The following HEXB variants were observed in gnomAD, a reference collection of about 807,000 sequenced individuals.
The protein encoded by HEXB is beta-hexosaminidase subunit beta.
A neutral mutation model predicts 71.2 loss-of-function variants in HEXB; 51 were observed. The ratio of observed to expected loss-of-function variants is 0.72; its 90% CI spans 0.57 to 0.90. The LOEUF (loss-of-function observed/expected upper bound fraction) is 0.90, where lower values mean the gene tolerates loss of function less well. Among genes scored for constraint, HEXB ranks in the 40% least tolerant of loss-of-function variants. HEXB has a pLI of 0.00. For synonymous variants in HEXB, 266 were observed against 249.3 expected, an observed-to-expected ratio of 1.07 and a Z score of -0.63; for missense variants, 617 against 677.0, an observed-to-expected ratio of 0.91 and a Z score of 0.98.
chr5:74,684,796 G>C (rs820874), upstream of HEXB, among the ~76,000 whole-genome samples: 79,768 of 150,540 alleles, frequency 0.53, 21,513 homozygotes, highest in Middle Eastern at 0.58. Context: ...TCCTGCCTCA[G>C]CCTCCCGAGT....
chr5:74,664,125 G>C (rs1052908051), intron 1 of HEXB, among the ~76,000 whole-genome samples: 1 of 151,786 alleles, frequency 6.6e-6, no homozygotes, highest in Admixed American at 6.6e-5. Flanking sequence ...GTGTGGTGGC[G>C]CATGCCTGTA....
At chr5:74,673,462 A>G (rs1297620072) in intron 1 of HEXB, among the ~76,000 whole-genome samples, 1 of 152,188 alleles carries the variant, frequency 6.6e-6, no homozygotes, top group Non-Finnish European at 1.5e-5. Context: ...TTGTCTGCCC[A>G]GGTCCTAGGC....
intron 5 of HEXB, among the ~76,000 whole-genome samples, chr5:74,704,340 G>A (rs944252026): frequency 6.6e-6 from 1 of 152,002 alleles, no homozygotes; most frequent in African/African-American, 2.4e-5. Flanking sequence ...AAGTTTTGAT[G>A]ATCTTGTTGG....
At chr5:74,694,076 T>G (rs1049100668) in intron 3 of HEXB, among the ~76,000 whole-genome samples, 6 of 152,162 alleles carry the variant, frequency 3.9e-5, no homozygotes, top group African/African-American at 1.4e-4. Flanking sequence ...GGAGGATTGC[T>G]TGAGTCCAGG....
intron 5 of HEXB, among the ~76,000 whole-genome samples, chr5:74,698,046 A>C (rs2442041): frequency 0.9 from 136,412 of 151,462 alleles, 61,510 homozygotes; most frequent in Non-Finnish European, 0.92. Flanking sequence ...ATTATGATGA[A>C]ACTATGCTAT....
intron 6 of HEXB, among the ~76,000 whole-genome samples, chr5:74,710,055 C>G (rs1204306111): frequency 6.6e-6 from 1 of 152,034 alleles, no homozygotes; most frequent in African/African-American, 2.4e-5. Context: ...ACTGGCAAAC[C>G]AAATCCAGCA....
chr5:74,716,558 A>C, intron 8 of HEXB, 29 bp from the exon 9 acceptor site: 1 of 1,394,694 alleles, frequency 7.2e-7, no homozygotes, highest in Admixed American at 1.7e-5. Flanking sequence ...TCAAACTTCT[A>C]ATGAAATTTT....
chr5:74,696,128 T>C (rs1464316962), intron 3 of HEXB, among the ~76,000 whole-genome samples: 1 of 152,196 alleles, frequency 6.6e-6, no homozygotes, highest in African/African-American at 2.4e-5. Context: ...ATGAGGAATC[T>C]GAATAAAGTC....
intron 1 of HEXB, among the ~76,000 whole-genome samples, chr5:74,660,989 C>A (rs1748307760): frequency 6.6e-6 from 1 of 151,934 alleles, no homozygotes. Context: ...GGGAACATGG[C>A]AACAAGAAAT....
chr5:74,655,822 A>G (rs1479147243), intron 1 of HEXB, among the ~76,000 whole-genome samples: 1 of 152,124 alleles, frequency 6.6e-6, no homozygotes, highest in Non-Finnish European at 1.5e-5. Flanking sequence ...AATTATCTCC[A>G]TTTATAGGTA....
upstream of HEXB, among the ~76,000 whole-genome samples, chr5:74,683,308 T>C (rs925441448): frequency 3.9e-5 from 6 of 151,984 alleles, no homozygotes; most frequent in East Asian, 1.9e-4. Flanking sequence ...TCTTCTTTTT[T>C]TTTTTTTCTT....
intron 1 of HEXB, among the ~76,000 whole-genome samples, chr5:74,676,330 G>A (rs1425619729): frequency 2.0e-5 from 3 of 152,068 alleles, no homozygotes; most frequent in Admixed American, 6.6e-5. Flanking sequence ...TTGTAAAGAC[G>A]GTGTCTCACT....
At chr5:74,678,546 C>T (rs1157548625) in intron 1 of HEXB, among the ~76,000 whole-genome samples, 1 of 151,746 alleles carries the variant, frequency 6.6e-6, no homozygotes, top group Non-Finnish European at 1.5e-5. Context: ...AAAGCCTTAC[C>T]TTAACTATGC....
intron 1 of HEXB, among the ~76,000 whole-genome samples, chr5:74,648,324 T>A (rs1472302012): frequency 6.6e-5 from 10 of 152,234 alleles, no homozygotes; most frequent in Non-Finnish European, 1.5e-4. Flanking sequence ...GACTATTGTA[T>A]TAAAAAACAT....
At chr5:74,712,461 T>TA (rs1323938720) in intron 6 of HEXB, among the ~76,000 whole-genome samples, 17 of 151,828 alleles carry the variant, frequency 1.1e-4, no homozygotes, top group South Asian at 2.1e-4. Flanking sequence ...CTTTAAATTT[T>TA]AAAAAAAAAT....
chr5:74,712,930 A>T (rs1749583541), intron 6 of HEXB, among the ~76,000 whole-genome samples: 1 of 152,322 alleles, frequency 6.6e-6, no homozygotes, highest in African/African-American at 2.4e-5. Context: ...ATTAAAAAAA[A>T]ACAAGTCACT....
At chr5:74,668,903 CA>C (rs1358533355) in intron 1 of HEXB, among the ~76,000 whole-genome samples, 3 of 152,172 alleles carry the variant, frequency 2.0e-5, no homozygotes, top group Non-Finnish European at 2.9e-5. Context: ...TATTTGGATG[CA>C]AGTCTTCTGT....
intron 1 of HEXB, among the ~76,000 whole-genome samples, chr5:74,651,195 G>A (rs759452184): frequency 1.3e-5 from 2 of 152,184 alleles, no homozygotes; most frequent in Non-Finnish European, 2.9e-5. Flanking sequence ...AACTGAGTCT[G>A]AGAGAATAAA....
intron 1 of HEXB, among the ~76,000 whole-genome samples, chr5:74,674,786 T>A (rs1321815263): frequency 6.6e-6 from 1 of 152,096 alleles, no homozygotes; most frequent in Non-Finnish European, 1.5e-5. Flanking sequence ...GCTTAAGGCA[T>A]TTTTGGAGGT....
Sources: gnomAD v4.1 joint callset for allele counts (sites outside exome capture counted in the v4.1 genomes callset) on GRCh38, gnomAD v4.1.1 for gene constraint, MANE v1.5 for transcripts, NCBI Gene and HGNC (gene_info 2026-07-23, HGNC 2026-07-21) for gene names.